Variants in MIPOL1 observed in about 807,000 individuals in gnomAD.
MIPOL1 encodes the protein mirror-image polydactyly 1, also known as mirror-image polydactyly gene 1 protein.
MIPOL1 carries 57 observed loss-of-function variants against 60.9 expected under a neutral mutation model. The observed-to-expected ratio is 0.94, with a 90% confidence interval of 0.76 to 1.17. The LOEUF (loss-of-function observed/expected upper bound fraction) is 1.17. Among genes scored for constraint, MIPOL1 ranks in the 50% most tolerant of loss-of-function variants. The pLI, the probability that MIPOL1 is intolerant of heterozygous loss-of-function variation, is 0.00. For missense variants in MIPOL1, 551 were observed against 511.6 expected, an observed-to-expected ratio of 1.08 and a Z score of -0.74; for synonymous variants, 179 against 168.8, an observed-to-expected ratio of 1.06 and a Z score of -0.47.
At chr14:37,207,043 T>C (rs755447855) in intron 1 of MIPOL1, among the ~76,000 whole-genome samples, 1 of 152,124 alleles carries the variant, frequency 6.6e-6, no homozygotes, top group Non-Finnish European at 1.5e-5. Context: ...TGGGAAGACA[T>C]GATTGGTTTT....
Position 37,394,084 on chromosome 14 carries a change from A to C in MIPOL1, c.936+24460A>C, listed in dbSNP as rs973992655. 2.4e-4 allele frequency among the ~76,000 whole-genome samples: 32 copies of C among 134,638 alleles called. 2 individuals carry two copies. Among genetic ancestry groups the C allele is most frequent in the South Asian group, 1.2e-3 (5 of 4,182 alleles). 88.3% of individuals were successfully genotyped at this position (134,638 alleles called of 152,430 possible). A position where few individuals can be genotyped will look rare whatever the true frequency, so the allele number is the denominator to read the frequency against. ...TATATATATATATATATATATATAT[A>C]TCTCCATGTTCTATCATATATATAT... On this transcript the variant is annotated intron_variant, in intron 10 of 12. Transcript: ENST00000684589.
rs148186778 is a variant in MIPOL1 at position 37,488,032 on chromosome 14, A to G, written c.1032-11876A>G. 2.3e-3 allele frequency among the ~76,000 whole-genome samples: 355 copies of G among 152,250 alleles called. 3 individuals carry two copies. Among genetic ancestry groups the G allele is most frequent in the African/African-American group, 7.9e-3 (328 of 41,556 alleles). On this transcript the variant is annotated intron_variant, in intron 11 of 12. Transcript: ENST00000684589. Reference sequence around the variant, plus strand: ...TGTCCCAGAGTTTCTGGTACATTGTATCTTTGTTCTCATTGGTTTCAAAGA... The same window carrying G: ...TGTCCCAGAGTTTCTGGTACATTGTGTCTTTGTTCTCATTGGTTTCAAAGA...
intron 1 of MIPOL1, chr14:37,212,349 C>T (rs1427059299): frequency 6.6e-6 from 1 of 152,114 alleles, no homozygotes; most frequent in Non-Finnish European, 1.5e-5. Flanking sequence ...AGACCACTTC[C>T]CTTAAGGGTG....
chr14:37,464,196 G>C (rs2094571870), intron 11 of MIPOL1, among the ~76,000 whole-genome samples: 1 of 152,160 alleles, frequency 6.6e-6, no homozygotes, highest in Admixed American at 6.5e-5. Flanking sequence ...AAACAGTATG[G>C]AGATTTCTCA....
chr14:37,239,235 C>A (rs1192860296), intron 1 of MIPOL1, among the ~76,000 whole-genome samples: 5 of 151,580 alleles, frequency 3.3e-5, no homozygotes, highest in African/African-American at 1.2e-4. Flanking sequence ...TTAGTAGAGA[C>A]GGAGTTTCAC....
At chr14:37,421,055 A>G (rs1595703531) in intron 10 of MIPOL1, among the ~76,000 whole-genome samples, 1 of 152,276 alleles carries the variant, frequency 6.6e-6, no homozygotes, top group East Asian at 1.9e-4. Context: ...TAAAGCAACC[A>G]AGTCTTCATA....
intron 3 of MIPOL1, among the ~76,000 whole-genome samples, chr14:37,248,823 A>T (rs771234656): frequency 3.3e-5 from 5 of 152,062 alleles, no homozygotes; most frequent in Admixed American, 2.0e-4. Flanking sequence ...ATAAATTAAG[A>T]CACATATATG....
chr14:37,493,746 A>C (rs966289266), intron 11 of MIPOL1, among the ~76,000 whole-genome samples: 1 of 152,168 alleles, frequency 6.6e-6, no homozygotes, highest in Admixed American at 6.6e-5. Flanking sequence ...TTACCTCATT[A>C]GCTTCCTGGT....
At chr14:37,526,940 T>C (rs1419844129) in intron 12 of MIPOL1, among the ~76,000 whole-genome samples, 15 of 152,152 alleles carry the variant, frequency 9.9e-5, no homozygotes, top group Admixed American at 9.8e-4. Flanking sequence ...TACTATTGAG[T>C]AAGTTGTTAG....
At chr14:37,221,891 C>G (rs983618618) in intron 1 of MIPOL1, among the ~76,000 whole-genome samples, 1 of 152,126 alleles carries the variant, frequency 6.6e-6, no homozygotes, top group Non-Finnish European at 1.5e-5. Flanking sequence ...TTCCACAAAA[C>G]TCATGTTCTT....
At chr14:37,481,560 A>AACACACACACACACACAC (rs3062719) in intron 11 of MIPOL1, among the ~76,000 whole-genome samples, 32 of 113,198 alleles carry the variant, frequency 2.8e-4, no homozygotes, top group Admixed American at 1.0e-3. Flanking sequence ...GACCCCCCCC[A>AACACACACACACACACAC]ACACACACAC....
chr14:37,353,498 T>G (rs894245858), intron 9 of MIPOL1, among the ~76,000 whole-genome samples: 17 of 152,296 alleles, frequency 1.1e-4, no homozygotes, highest in Admixed American at 2.0e-4. Flanking sequence ...TTCCTCATTG[T>G]ACCTCTGGTA....
chr14:37,354,789 G>T (rs1326654897), intron 9 of MIPOL1, among the ~76,000 whole-genome samples: 1 of 103,548 alleles, frequency 9.7e-6, no homozygotes, highest in Non-Finnish European at 2.0e-5. Flanking sequence ...TTTATTTTGA[G>T]CCTATGTGTG....
intron 10 of MIPOL1, among the ~76,000 whole-genome samples, chr14:37,421,295 A>T (rs2093869104): frequency 6.6e-6 from 1 of 152,148 alleles, no homozygotes; most frequent in African/African-American, 2.4e-5. Flanking sequence ...ATTTGTACAT[A>T]CGTAGCACTG....
chr14:37,522,077 T>C (rs75752372), intron 12 of MIPOL1, among the ~76,000 whole-genome samples: 2,157 of 151,696 alleles, frequency 0.014, 21 homozygotes, highest in Middle Eastern at 0.027. Flanking sequence ...TAACACATTT[T>C]ATTGTTTAAA....
intron 10 of MIPOL1, among the ~76,000 whole-genome samples, chr14:37,391,585 G>T (rs7142933): frequency 0.97 from 147,266 of 152,018 alleles, 71,406 homozygotes; most frequent in East Asian, 1. Context: ...TAGTAGAAAC[G>T]GGGTTTCAGC....
At chr14:37,432,181 C>T (rs1201018731) in intron 11 of MIPOL1, among the ~76,000 whole-genome samples, 2 of 152,112 alleles carry the variant, frequency 1.3e-5, no homozygotes, top group Non-Finnish European at 2.9e-5. Flanking sequence ...TCTATTAATC[C>T]TTTTCTAATC....
intron 7 of MIPOL1, among the ~76,000 whole-genome samples, chr14:37,296,416 C>T (rs1326334863): frequency 6.6e-6 from 1 of 152,100 alleles, no homozygotes; most frequent in Non-Finnish European, 1.5e-5. Flanking sequence ...AGAGCAAACA[C>T]ATTCAAAAGC....
intron 7 of MIPOL1, among the ~76,000 whole-genome samples, chr14:37,296,772 G>T (rs1305742239): frequency 6.6e-6 from 1 of 152,140 alleles, no homozygotes; most frequent in Non-Finnish European, 1.5e-5. Flanking sequence ...TTGAATCTCT[G>T]AATAGACCAA....
Sources: allele counts gnomAD v4.1 joint callset (sites outside exome capture counted in the v4.1 genomes callset), GRCh38; gene constraint gnomAD v4.1.1; transcripts MANE v1.5; gene names NCBI Gene and HGNC (gene_info 2026-07-23, HGNC 2026-07-21).